SOX5: variants seen among roughly 807,000 people sequenced by gnomAD.
SOX5 encodes transcription factor SOX-5.
Under a neutral mutation model 92.0 loss-of-function variants are expected in SOX5, and 9 were observed. That is an observed-to-expected ratio of 0.10 (90% CI 0.06 to 0.17). The LOEUF (loss-of-function observed/expected upper bound fraction) is 0.17, where lower values mean the gene tolerates loss of function less well. Ranked by LOEUF, SOX5 falls within the 10% of genes least tolerant of loss-of-function variation. SOX5 has a pLI of 1.00. For missense variants in SOX5, 642 were observed against 944.5 expected (o/e 0.68, Z 4.20); for synonymous variants, 344 against 336.3 (o/e 1.02, Z -0.25).
chr12:24,124,562 CAAAAAAAAAAAAAG>C (rs1555114769), intron 4 of SOX5, among the ~76,000 whole-genome samples: 7,737 of 133,682 alleles, frequency 0.058, 288 homozygotes, highest in Middle Eastern at 0.11. Context: ...AGGAATGGGA[CAAAAAAAAAAAAAG>C]AAAAAAAGAA....
intron 4 of SOX5, among the ~76,000 whole-genome samples, chr12:23,754,561 C>T (rs774295966): frequency 1.3e-5 from 2 of 151,702 alleles, no homozygotes; most frequent in Non-Finnish European, 2.9e-5. Flanking sequence ...GTAATCATAG[C>T]CTAAATACAT....
chr12:24,319,027 C>T (rs1949966170), intron 2 of SOX5, among the ~76,000 whole-genome samples: 1 of 152,202 alleles, frequency 6.6e-6, no homozygotes. Flanking sequence ...TGACTTGCCT[C>T]CACCTGTGTG....
At chr12:24,178,451 C>G (rs1955085645) in intron 4 of SOX5, among the ~76,000 whole-genome samples, 1 of 152,002 alleles carries the variant, frequency 6.6e-6, no homozygotes, top group Non-Finnish European at 1.5e-5. Context: ...AAGCAGCAGC[C>G]AATACTCAGC....
intron 12 of SOX5, among the ~76,000 whole-genome samples, chr12:23,546,107 A>T (rs145210639): frequency 6.4e-4 from 98 of 152,244 alleles, no homozygotes; most frequent in African/African-American, 2.3e-3. Context: ...AATGGGACTT[A>T]TCCTAGGTTG....
intron 3 of SOX5, among the ~76,000 whole-genome samples, chr12:24,232,909 G>A (rs1480992052): frequency 6.6e-6 from 1 of 152,084 alleles, no homozygotes; most frequent in Non-Finnish European, 1.5e-5. Context: ...CTTCCACATG[G>A]CAGCAATCTA....
At chr12:24,064,175 G>A (rs12322111) in intron 4 of SOX5, among the ~76,000 whole-genome samples, 82,412 of 151,954 alleles carry the variant, frequency 0.54, 22,672 homozygotes, top group Middle Eastern at 0.68. Flanking sequence ...TTCTCTTAGC[G>A]GCTCTTCTAA....
At chr12:24,285,380 C>T (rs505645) in intron 2 of SOX5, among the ~76,000 whole-genome samples, 104,909 of 152,034 alleles carry the variant, frequency 0.69, 37,407 homozygotes, top group East Asian at 0.91. Flanking sequence ...TGATTCCCCA[C>T]ATATAATATT....
chr12:23,671,307 C>A lies in SOX5; in HGVS notation c.811-5743G>T, dbSNP rs2084741614. Among the ~76,000 whole-genome samples the A allele has an allele frequency of 3.3e-5, 5 of 152,190 alleles. No homozygotes were observed. In the South Asian group the frequency reaches 1.0e-3, roughly 32 times the overall value. ...ATCTAAAACTTTTTCAAATGTTCCT[C>A]AAGAGTTTAGTCTGATGAGTGCTAC... On this transcript the variant is annotated intron_variant, in intron 6 of 14. Transcript: ENST00000451604.
At position 23,837,935 on chromosome 12, in the gene SOX5, A is replaced by G. The variant is rs1344667268; in HGVS notation, c.481+8048T>C. Among the ~76,000 whole-genome samples the G allele has an allele frequency of 7.5e-5, 9 of 119,688 alleles. No homozygotes were observed. In the Admixed American group the frequency reaches 8.1e-4, roughly 11 times the overall value. The allele number at this position is 119,688 out of a possible 152,430, so 78.5% of individuals were successfully genotyped here. On this transcript the variant is annotated intron_variant, in intron 3 of 14. Transcript: ENST00000451604. ...TATACTATGTTTATATTTATATAAT[A>G]TATATTTATATTTATATAGTATATG...
intron 4 of SOX5, among the ~76,000 whole-genome samples, chr12:23,745,146 C>T (rs534257754): frequency 3.9e-5 from 6 of 152,034 alleles, no homozygotes; most frequent in Middle Eastern, 3.2e-3. Context: ...GGGGAAAGTG[C>T]GTAGTTCAAC....
At chr12:24,019,236 A>G (rs79396783) in intron 4 of SOX5, among the ~76,000 whole-genome samples, 7,597 of 152,284 alleles carry the variant, frequency 0.05, 179 homozygotes, top group Middle Eastern at 0.082. Context: ...GCTTCCAAAA[A>G]TGCTAGGGTT....
intron 1 of SOX5, among the ~76,000 whole-genome samples, chr12:23,901,104 T>C (rs1451387067): frequency 1.3e-5 from 2 of 152,234 alleles, no homozygotes; most frequent in African/African-American, 4.8e-5. Flanking sequence ...GGGGAGATTA[T>C]TCTGAATATT....
chr12:24,297,730 A>T (rs1383695181), intron 2 of SOX5, among the ~76,000 whole-genome samples: 1 of 152,226 alleles, frequency 6.6e-6, no homozygotes, highest in Non-Finnish European at 1.5e-5. Context: ...TGGAACTGTG[A>T]GTGACTGCTC....
At chr12:24,335,024 A>G (rs1450174420) in intron 2 of SOX5, among the ~76,000 whole-genome samples, 1 of 152,160 alleles carries the variant, frequency 6.6e-6, no homozygotes, top group Non-Finnish European at 1.5e-5. Flanking sequence ...ATTGTCTGAA[A>G]TATGAAAATA....
At position 23,563,108 on chromosome 12, in the gene SOX5, T is replaced by C; in HGVS notation, c.1488+150A>G. 3 of 608,150 alleles carry C rather than the reference T, an allele frequency of 4.9e-6. 1 individual carries two copies. The South Asian group carries it at 6.8e-5, about 14-fold the overall frequency. The allele number at this position is 608,150 out of a possible 1,614,324, so 37.7% of individuals were successfully genotyped here. A position where few individuals can be genotyped will look rare whatever the true frequency, so the allele number is the denominator to read the frequency against. ...TATTTCCAGATGGTTTTGATTAGGA[T>C]GGCGATGAGGCCTTCTATATTAATG... On this transcript the variant is annotated intron_variant, in intron 11 of 14. Transcript: ENST00000451604.
intron 4 of SOX5, among the ~76,000 whole-genome samples, chr12:24,133,607 G>T (rs1050168204): frequency 1.3e-5 from 2 of 152,038 alleles, no homozygotes; most frequent in Non-Finnish European, 2.9e-5. Flanking sequence ...CTGTGGCGGG[G>T]ATGCCAAACA....
intron 4 of SOX5, among the ~76,000 whole-genome samples, chr12:24,206,298 A>G (rs1025677681): frequency 2.6e-5 from 4 of 152,204 alleles, no homozygotes; most frequent in African/African-American, 7.2e-5. Context: ...TTTGAGACCA[A>G]CTCAGCAGGA....
At chr12:24,246,647 T>C (rs1245700903) in intron 3 of SOX5, among the ~76,000 whole-genome samples, 1 of 152,124 alleles carries the variant, frequency 6.6e-6, no homozygotes, top group Admixed American at 6.6e-5. Context: ...AGGTGCAAAG[T>C]AAAAGAATTT....
intron 2 of SOX5, among the ~76,000 whole-genome samples, chr12:23,861,886 C>T (rs2096760565): frequency 6.6e-6 from 1 of 152,054 alleles, no homozygotes; most frequent in African/African-American, 2.4e-5. Context: ...TAAAAAGATC[C>T]TATTGAACAC....
Sources: gnomAD v4.1 joint callset for allele counts (sites outside exome capture counted in the v4.1 genomes callset) on GRCh38, gnomAD v4.1.1 for gene constraint, MANE v1.5 for transcripts, NCBI Gene and HGNC (gene_info 2026-07-23, HGNC 2026-07-21) for gene names.